SCD5: variants seen among roughly 807,000 people sequenced by gnomAD.
SCD5 encodes acyl-CoA-desaturase 4.
A neutral mutation model predicts 30.4 loss-of-function variants in SCD5; 20 were observed. The observed-to-expected ratio is 0.66, with a 90% CI of 0.46 to 0.96. The LOEUF (loss-of-function observed/expected upper bound fraction) is 0.96, where lower values mean the gene tolerates loss of function less well. Among genes scored for constraint, SCD5 ranks in the 40% least tolerant of loss-of-function variants. The pLI is 0.00. For missense variants in SCD5, 381 were observed against 443.3 expected (o/e 0.86, Z 1.26); for synonymous variants, 173 against 176.4 (o/e 0.98, Z 0.16).
intron 1 of SCD5, among the ~76,000 whole-genome samples, chr4:82,741,099 AT>A (rs34852290): frequency 0.073 from 10,118 of 138,920 alleles, 1,152 homozygotes; most frequent in African/African-American, 0.25. Flanking sequence ...GTGCCAGCTA[AT>A]TTTTTTTTTT....
At position 82,798,509 on chromosome 4, in the gene SCD5, T is replaced by C. The variant is rs756136326; in HGVS notation, c.29A>G (p.Lys10Arg). The C allele has an allele frequency of 2.1e-5, 33 of 1,606,688 alleles. No individual in the cohort carries two copies. Among genetic ancestry groups the C allele is most frequent in the Non-Finnish European group, 2.7e-5 (32 of 1,176,972 alleles). The stretch of plus-strand genomic sequence containing the variant: ...TTCCTTGGCGTCGCAGAAAGGGATC[T>C]TCCCCGCGTCGGTGGCCGGGCCTGG... The part of the protein sequence containing the change: MPGPATDAG[K>R]IPFCDAKEEI... The change falls in exon 1 of 5, where the codon AAG (lysine) becomes AGG (arginine). Residue 10 changes from lysine (K) to arginine (R), a missense_variant. Transcript: ENST00000319540.
At chr4:82,773,155 T>C (rs893927448) in intron 1 of SCD5, among the ~76,000 whole-genome samples, 3 of 152,182 alleles carry the variant, frequency 2.0e-5, no homozygotes, top group Admixed American at 6.5e-5. Flanking sequence ...GTCTTTCTGG[T>C]CACTCCCTCC....
chr4:82,735,931 G>A (rs1410534143), intron 1 of SCD5, among the ~76,000 whole-genome samples: 1 of 152,152 alleles, frequency 6.6e-6, no homozygotes, highest in Non-Finnish European at 1.5e-5. Context: ...TGTCAATGAT[G>A]TTAAGTGAGG....
chr4:82,654,570 T>C (rs1727829786), intron 3 of SCD5, among the ~76,000 whole-genome samples: 1 of 152,150 alleles, frequency 6.6e-6, no homozygotes, highest in South Asian at 2.1e-4. Context: ...AAGGGGAGAA[T>C]GTGAACTTCT....
At position 82,671,918 on chromosome 4, in the gene SCD5, A is replaced by C. The variant is rs1728334648; in HGVS notation, c.569+8789T>G. 2.0e-5 allele frequency among the ~76,000 whole-genome samples: 3 copies of C among 152,174 alleles called. No homozygotes were observed. The South Asian group carries it at 6.2e-4, about 32-fold the overall frequency. On this transcript the variant is annotated intron_variant, in intron 3 of 4. Transcript: ENST00000319540. ...AAAAAAAGACAACTGGAAAACCCCA[A>C]AATACATGGAAATCAAACAACATAC...
At chr4:82,636,198 T>C (rs1290079651) in intron 4 of SCD5, among the ~76,000 whole-genome samples, 1 of 151,912 alleles carries the variant, frequency 6.6e-6, no homozygotes, top group Non-Finnish European at 1.5e-5. Flanking sequence ...AAAGCTCCTC[T>C]GGCAGGCCAA....
At chr4:82,719,542 C>T (rs529119389) in intron 1 of SCD5, among the ~76,000 whole-genome samples, 94 of 144,708 alleles carry the variant, frequency 6.5e-4, no homozygotes, top group Admixed American at 1.2e-3. Context: ...GTCGCTCTGT[C>T]GCCCAGGCCG....
At chr4:82,677,309 A>C (rs1211801864) in intron 3 of SCD5, among the ~76,000 whole-genome samples, 1 of 152,218 alleles carries the variant, frequency 6.6e-6, no homozygotes, top group Non-Finnish European at 1.5e-5. Flanking sequence ...GTGGAGATTC[A>C]GCCCATGAGA....
At chr4:82,738,136 C>G (rs1184804291) in intron 1 of SCD5, among the ~76,000 whole-genome samples, 1 of 152,152 alleles carries the variant, frequency 6.6e-6, no homozygotes, top group Non-Finnish European at 1.5e-5. Flanking sequence ...AAAAAGTTAT[C>G]ACGGCCGGGC....
At chr4:82,650,094 T>G (rs1317701585) in intron 3 of SCD5, among the ~76,000 whole-genome samples, 1 of 152,186 alleles carries the variant, frequency 6.6e-6, no homozygotes, top group Non-Finnish European at 1.5e-5. Context: ...AGCCGTAGGT[T>G]GTCTAGTGCT....
intron 1 of SCD5, among the ~76,000 whole-genome samples, chr4:82,777,213 G>A (rs1721761782): frequency 6.6e-6 from 1 of 152,226 alleles, no homozygotes; most frequent in Non-Finnish European, 1.5e-5. Context: ...CTGAGATGGC[G>A]AGAATCTAAG....
At position 82,631,236 on chromosome 4, in the gene SCD5, C is replaced by G. The variant is rs910394915; in HGVS notation, c.*91G>C. 1.2e-5 allele frequency: 13 copies of G among 1,114,552 alleles called. No homozygotes were observed. In the Admixed American group the frequency reaches 1.5e-4, roughly 13 times the overall value. The allele number at this position is 1,114,552 out of a possible 1,614,324, so 69.0% of individuals were successfully genotyped here. On this transcript the variant is annotated 3_prime_UTR_variant, in exon 5 of 5. Coordinates refer to ENST00000319540, the MANE Select transcript of SCD5 (RefSeq NM_001037582.3). ...CTCGTTCCTTCCCCACCCTCTGCCCCCTCCCACGATCCAATGTACAAGAGA... is the reference window on the plus strand; with the variant it reads ...CTCGTTCCTTCCCCACCCTCTGCCCGCTCCCACGATCCAATGTACAAGAGA...
At chr4:82,667,295 C>CGCAT (rs1560528752) in intron 3 of SCD5, among the ~76,000 whole-genome samples, 3 of 152,132 alleles carry the variant, frequency 2.0e-5, no homozygotes, top group African/African-American at 4.8e-5. Flanking sequence ...CACGCACGCA[C>CGCAT]GCACGCATGC....
chr4:82,762,309 G>C (rs893192062), intron 1 of SCD5, among the ~76,000 whole-genome samples: 4 of 151,638 alleles, frequency 2.6e-5, no homozygotes, highest in African/African-American at 9.7e-5. Flanking sequence ...CTGGTGTGCA[G>C]TGGTGTGACC....
At position 82,798,792 on chromosome 4, in the gene SCD5, G is replaced by A. The variant is rs575220472; in HGVS notation, c.-255C>T. On this transcript the variant is annotated 5_prime_UTR_variant, in exon 1 of 5. Transcript: ENST00000319540. ...ATGGCTGCCCGGGCTGAACTCGGCC[G>A]CGAGAAAGAGGAGGCGCGCGCGGGG... is the stretch of plus-strand genomic sequence containing the variant. The A allele has an allele frequency of 6.9e-6, 3 of 436,154 alleles. No homozygotes were observed. The highest frequency in any genetic ancestry group is 2.1e-5 in the African/African-American group (1 of 47,712). The allele number at this position is 436,154 out of a possible 1,614,324, so 27.0% of individuals were successfully genotyped here. A position where few individuals can be genotyped will look rare whatever the true frequency, so the allele number is the denominator to read the frequency against.
chr4:82,640,805 C>T (rs1727526707), intron 3 of SCD5, among the ~76,000 whole-genome samples: 1 of 152,174 alleles, frequency 6.6e-6, no homozygotes, highest in Admixed American at 6.5e-5. Flanking sequence ...GGCCACAGAG[C>T]AACTCCACGA....
intron 1 of SCD5, among the ~76,000 whole-genome samples, chr4:82,777,004 C>A (rs1578064169): frequency 6.6e-6 from 1 of 152,246 alleles, no homozygotes; most frequent in South Asian, 2.1e-4. Context: ...CTGTGCTGAA[C>A]TACATGCTGC....
chr4:82,794,073 C>T (rs921892500), intron 1 of SCD5, among the ~76,000 whole-genome samples: 1 of 152,196 alleles, frequency 6.6e-6, no homozygotes, highest in African/African-American at 2.4e-5. Flanking sequence ...CAAGCCCCAG[C>T]TTCTACTGAC....
chr4:82,630,098 G>A lies in SCD5; in HGVS notation c.*1229C>T, dbSNP rs1471605591. On this transcript the variant is annotated 3_prime_UTR_variant, in exon 5 of 5. Coordinates refer to ENST00000319540, the MANE Select transcript of SCD5 (RefSeq NM_001037582.3). ...GAGCTTAATTTGAGCTTAATTTGAT[G>A]TCTGGCATGTCAGAGTTATACACCT... 6.6e-6 allele frequency: 1 copy of A among 152,212 alleles called. No homozygotes were observed. The highest frequency in any genetic ancestry group is 2.4e-5 in the African/African-American group (1 of 41,450). 9.4% of individuals were successfully genotyped at this position (152,212 alleles called of 1,614,324 possible).
Sources: allele counts gnomAD v4.1 joint callset (sites outside exome capture counted in the v4.1 genomes callset), GRCh38; gene constraint gnomAD v4.1.1; transcripts MANE v1.5; gene names NCBI Gene and HGNC (gene_info 2026-07-23, HGNC 2026-07-21).